The following GLT8D2 variants were observed in gnomAD, a reference collection of about 807,000 sequenced individuals.
The protein encoded by GLT8D2 is glycosyltransferase 8 domain containing 2.
Under a neutral mutation model 44.5 loss-of-function variants are expected in GLT8D2, and 45 were observed. The ratio of observed to expected loss-of-function variants is 1.01; its 90% CI spans 0.80 to 1.30. The LOEUF is 1.30. Ranked by LOEUF, GLT8D2 falls within the 50% of genes most tolerant of loss-of-function variation. GLT8D2 has a pLI of 0.00. For synonymous variants in GLT8D2, 156 were observed against 157.2 expected, an observed-to-expected ratio of 0.99 and a Z score of 0.06; for missense variants, 400 against 430.4, an observed-to-expected ratio of 0.93 and a Z score of 0.62.
intron 4 of GLT8D2, among the ~76,000 whole-genome samples, chr12:104,006,937 T>C (rs1875095781): frequency 6.6e-6 from 1 of 152,170 alleles, no homozygotes; most frequent in African/African-American, 2.4e-5. Flanking sequence ...AATCAGAATA[T>C]TTACTTTGCC....
chr12:104,007,233 G>GCTCTCTCACTCT (rs1875153384), intron 4 of GLT8D2, among the ~76,000 whole-genome samples: 1 of 66,286 alleles, frequency 1.5e-5, no homozygotes, highest in Non-Finnish European at 2.8e-5. Flanking sequence ...TATACTTAAA[G>GCTCTCTCACTCT]CTCTCTCTCT....
At chr12:104,029,117 C>A (rs1878928757) in intron 1 of GLT8D2, among the ~76,000 whole-genome samples, 1 of 152,068 alleles carries the variant, frequency 6.6e-6, no homozygotes, top group African/African-American at 2.4e-5. Flanking sequence ...TAGTGAAACA[C>A]CATCTCTACT....
At chr12:104,030,303 C>CA (rs1228189090) in intron 1 of GLT8D2, among the ~76,000 whole-genome samples, 3 of 151,762 alleles carry the variant, frequency 2.0e-5, no homozygotes, top group African/African-American at 7.3e-5. Flanking sequence ...ATATTAACAA[C>CA]AAAAAAATTG....
chr12:104,039,252 G>A (rs1273712925), intron 1 of GLT8D2, among the ~76,000 whole-genome samples: 5 of 151,934 alleles, frequency 3.3e-5, no homozygotes, highest in Admixed American at 2.6e-4. Flanking sequence ...CTTCATGTCT[G>A]AAACACCAAA....
At position 104,005,238 on chromosome 12, in the gene GLT8D2, G is replaced by T. The variant is rs573659016; in HGVS notation, c.113-1932C>A. ...CCTTATACAAAAATTAATTCAAGAT[G>T]TATTAAAGACTGAAATGTTAGACCT... On this transcript the variant is annotated intron_variant, in intron 4 of 10. Transcript: ENST00000360814. 3.2e-4 allele frequency among the ~76,000 whole-genome samples: 48 copies of T among 152,282 alleles called. No individual in the cohort carries two copies. The East Asian group carries it at 8.7e-3, about 28-fold the overall frequency.
chr12:104,002,101 G>A (rs543492388), intron 5 of GLT8D2, among the ~76,000 whole-genome samples: 5 of 151,942 alleles, frequency 3.3e-5, no homozygotes, highest in East Asian at 1.9e-4. Flanking sequence ...TCAGCCTCCC[G>A]CTATGTATCA....
chr12:103,994,524 T>C (rs972227321), intron 8 of GLT8D2, 23 bp from the exon 9 acceptor site: 3 of 1,574,968 alleles, frequency 1.9e-6, no homozygotes, highest in Non-Finnish European at 2.6e-6. Context: ...AGGATGTGCA[T>C]GCTTTTGACC....
At chr12:104,063,509 G>T (rs1882867292) in intron 1 of GLT8D2, among the ~76,000 whole-genome samples, 1 of 152,120 alleles carries the variant, frequency 6.6e-6, no homozygotes, top group Admixed American at 6.6e-5. Flanking sequence ...TCGCGCCACT[G>T]CATTCCGGCA....
At chr12:104,027,491 A>G (rs920470335) in intron 1 of GLT8D2, among the ~76,000 whole-genome samples, 1 of 152,152 alleles carries the variant, frequency 6.6e-6, no homozygotes, top group Non-Finnish European at 1.5e-5. Context: ...TAACTTCACA[A>G]TTTTTCCTTA....
chr12:103,989,975 T>C (rs949274618), intron 10 of GLT8D2, among the ~76,000 whole-genome samples: 3 of 151,738 alleles, frequency 2.0e-5, no homozygotes, highest in Admixed American at 6.6e-5. Flanking sequence ...ATACTATTTA[T>C]TGACCAAGTT....
intron 1 of GLT8D2, chr12:104,031,549 G>T: frequency 1.2e-6 from 2 of 1,611,188 alleles, no homozygotes; most frequent in Non-Finnish European, 1.7e-6. Context: ...AGTGAAGGCC[G>T]GCGGGGAAGA....
At chr12:104,030,230 G>T (rs965186727) in intron 1 of GLT8D2, among the ~76,000 whole-genome samples, 14 of 152,174 alleles carry the variant, frequency 9.2e-5, no homozygotes, top group Admixed American at 4.6e-4. Flanking sequence ...TCTTCCATAA[G>T]GCACAAAGAA....
intron 1 of GLT8D2, among the ~76,000 whole-genome samples, chr12:104,046,214 C>T (rs544170700): frequency 6.6e-5 from 10 of 152,136 alleles, no homozygotes; most frequent in Non-Finnish European, 1.0e-4. Flanking sequence ...ATGTGTAAAA[C>T]GGGATAGTTC....
At chr12:103,992,491 C>CTCTCTCT (rs1283103178) in intron 10 of GLT8D2, among the ~76,000 whole-genome samples, 7 of 129,980 alleles carry the variant, frequency 5.4e-5, no homozygotes, top group African/African-American at 2.0e-4. Flanking sequence ...CTCTCTCTCT[C>CTCTCTCT]TTTTTTTTTT....
upstream of GLT8D2, chr12:104,064,322 C>A: frequency 2.3e-6 from 1 of 428,710 alleles, no homozygotes; most frequent in Non-Finnish European, 4.1e-6. This position sits in a 1 kb window ranked among gnomAD's most constrained non-coding sequence, Gnocchi z 7.3. Context: ...GTCCTTCCAC[C>A]CTAAGGTGCG....
In GLT8D2 at chr12:104,030,815, G is replaced by A. The variant is rs1039974824; in HGVS notation, c.-163-9324C>T. ...CAAACTGGTGCTGATCCGGCACGGCGAGAGCGCATGGAACCTGGAGAACCG... is the reference window on the plus strand; with the variant it reads ...CAAACTGGTGCTGATCCGGCACGGCAAGAGCGCATGGAACCTGGAGAACCG... On this transcript the variant is annotated intron_variant, in intron 1 of 10. Coordinates refer to ENST00000360814, the MANE Select transcript of GLT8D2 (RefSeq NM_001384711.1). 4.9e-5 allele frequency: 79 copies of A among 1,602,806 alleles called. No homozygotes were observed. In the African/African-American group the frequency reaches 8.6e-4, roughly 17 times the overall value.
At chr12:104,037,316 A>G (rs1880019557) in intron 1 of GLT8D2, among the ~76,000 whole-genome samples, 1 of 152,240 alleles carries the variant, frequency 6.6e-6, no homozygotes, top group African/African-American at 2.4e-5. Flanking sequence ...CTAAGATCAG[A>G]GCAGAACTGA....
intron 4 of GLT8D2, among the ~76,000 whole-genome samples, chr12:104,014,498 G>A (rs1876298889): frequency 6.6e-6 from 1 of 152,208 alleles, no homozygotes; most frequent in Non-Finnish European, 1.5e-5. Context: ...TCTCAGTGCA[G>A]CTGGGAGAGA....
At chr12:104,057,067 C>A (rs1463104933) in intron 1 of GLT8D2, among the ~76,000 whole-genome samples, 2 of 152,156 alleles carry the variant, frequency 1.3e-5, no homozygotes, top group Non-Finnish European at 2.9e-5. Flanking sequence ...TGCCACTGTT[C>A]AACTCCAGAT....
Sources: allele counts gnomAD v4.1 joint callset (sites outside exome capture counted in the v4.1 genomes callset), GRCh38; gene constraint gnomAD v4.1.1; non-coding constraint Gnocchi (gnomAD v3.1); transcripts MANE v1.5; gene names NCBI Gene and HGNC (gene_info 2026-07-23, HGNC 2026-07-21).